The following RIMS2 variants were observed in gnomAD, a reference collection of about 807,000 sequenced individuals.
RIMS2 encodes regulating synaptic membrane exocytosis protein 2.
RIMS2 carries 59 observed loss-of-function variants against 174.4 expected under a neutral mutation model. The observed-to-expected ratio is 0.34, with a 90% confidence interval of 0.27 to 0.42. The LOEUF (loss-of-function observed/expected upper bound fraction) is 0.42, where lower values mean the gene tolerates loss of function less well. Among genes scored for constraint, RIMS2 ranks in the 10% least tolerant of loss-of-function variants. RIMS2 has a pLI of 1.00. For synonymous variants in RIMS2, 606 were observed against 572.5 expected (o/e 1.06, Z -0.84); for missense variants, 1,620 against 1,666.3 (o/e 0.97, Z 0.48).
intron 2 of RIMS2, among the ~76,000 whole-genome samples, chr8:103,699,538 T>C (rs1471709431): frequency 6.6e-6 from 1 of 152,172 alleles, no homozygotes; most frequent in Non-Finnish European, 1.5e-5. Context: ...CCCAGATTTT[T>C]TGTTTTATTG....
At chr8:103,818,737 A>T (rs1302934873) in intron 3 of RIMS2, among the ~76,000 whole-genome samples, 2 of 152,172 alleles carry the variant, frequency 1.3e-5, no homozygotes, top group African/African-American at 4.8e-5. Flanking sequence ...AAAGGACCAG[A>T]TTCAACATTA....
chr8:103,608,763 G>A (rs569802027), intron 1 of RIMS2, among the ~76,000 whole-genome samples: 9 of 152,250 alleles, frequency 5.9e-5, no homozygotes, highest in South Asian at 2.1e-4. Flanking sequence ...TCCAGGTGCC[G>A]TCCGTCACCC....
intron 19 of RIMS2, chr8:104,223,582 C>A: frequency 6.7e-7 from 1 of 1,484,244 alleles, no homozygotes; most frequent in Non-Finnish European, 8.9e-7. Flanking sequence ...GGAACCGCTG[C>A]GGACGCTGCG....
At chr8:103,520,206 G>A (rs7826021) in intron 1 of RIMS2, among the ~76,000 whole-genome samples, 28,649 of 151,966 alleles carry the variant, frequency 0.19, 3,020 homozygotes, top group African/African-American at 0.28. Flanking sequence ...GTAATGTGAC[G>A]GGTACACAGA....
intron 2 of RIMS2, among the ~76,000 whole-genome samples, chr8:103,750,355 T>A (rs1436675899): frequency 6.6e-6 from 1 of 152,178 alleles, no homozygotes; most frequent in Admixed American, 6.5e-5. Flanking sequence ...AAATATACTA[T>A]CAGTTGACAG....
Position 103,880,449 on chromosome 8 carries a change from A to G in RIMS2, c.699-4849A>G, listed in dbSNP as rs140333216. ...CCTTTTTCTTAACAGGCCCATCACT[A>G]GAGGATTCTATGACTCCATCCTTTG... On this transcript the variant is annotated intron_variant, in intron 3 of 23. Transcript: ENST00000504942. The G allele has an allele frequency of 4.8e-3, 1,734 of 364,438 alleles. 10 individuals are homozygous for G. Among genetic ancestry groups the G allele is most frequent in the East Asian group, 0.019 (496 of 25,692 alleles). 22.6% of individuals were successfully genotyped at this position (364,438 alleles called of 1,614,324 possible).
At chr8:103,881,767 G>A (rs2099168316) in intron 3 of RIMS2, among the ~76,000 whole-genome samples, 1 of 151,482 alleles carries the variant, frequency 6.6e-6, no homozygotes, top group Admixed American at 6.6e-5. Context: ...TTAAAATGTG[G>A]TTTTCTATAA....
intron 1 of RIMS2, among the ~76,000 whole-genome samples, chr8:103,571,167 G>T (rs546150693): frequency 6.6e-6 from 1 of 152,264 alleles, no homozygotes; most frequent in Admixed American, 6.5e-5. Context: ...CTATGCTCTA[G>T]TATTGTGTTT....
chr8:103,587,847 G>A (rs1381815590), intron 1 of RIMS2, among the ~76,000 whole-genome samples: 1 of 151,954 alleles, frequency 6.6e-6, no homozygotes, highest in African/African-American at 2.4e-5. Context: ...GACCTGGAAC[G>A]TGACAGTGAT....
chr8:104,054,153 CCTT>C (rs2096832851), intron 19 of RIMS2, among the ~76,000 whole-genome samples: 2 of 152,148 alleles, frequency 1.3e-5, no homozygotes, highest in Admixed American at 6.6e-5. Context: ...TAATTCTCAT[CCTT>C]CTTAATCTGA....
intron 19 of RIMS2, among the ~76,000 whole-genome samples, chr8:104,190,946 T>C (rs1426317107): frequency 6.6e-6 from 1 of 151,784 alleles, no homozygotes; most frequent in African/African-American, 2.4e-5. Flanking sequence ...TTTTTTTTTT[T>C]TGTTTGCTTC....
intron 8 of RIMS2, 113 bp from the exon 12 acceptor site, chr8:103,918,328 C>A: frequency 1.7e-6 from 1 of 586,054 alleles, no homozygotes; most frequent in Non-Finnish European, 3.0e-6. Flanking sequence ...CTATTATACA[C>A]AGTTTTCTTC....
chr8:103,750,815 G>A (rs1212457686), intron 2 of RIMS2, among the ~76,000 whole-genome samples: 4 of 152,096 alleles, frequency 2.6e-5, no homozygotes, highest in African/African-American at 9.7e-5. Flanking sequence ...CACCAGCAAA[G>A]TGGAACTGTG....
intron 2 of RIMS2, among the ~76,000 whole-genome samples, chr8:103,707,609 G>T (rs1590812394): frequency 6.6e-6 from 1 of 152,300 alleles, no homozygotes; most frequent in African/African-American, 2.4e-5. Flanking sequence ...CCAAGTGAAA[G>T]GGGTCCCTCT....
chr8:104,175,572 C>T (rs79346125), intron 19 of RIMS2, among the ~76,000 whole-genome samples: 2,203 of 152,154 alleles, frequency 0.014, 64 homozygotes, highest in African/African-American at 0.051. Flanking sequence ...TTAACTGTCC[C>T]CACTTCCCTT....
chr8:104,164,724 TCTTA>T (rs2098786371), intron 19 of RIMS2, among the ~76,000 whole-genome samples: 2 of 152,196 alleles, frequency 1.3e-5, no homozygotes, highest in Non-Finnish European at 2.9e-5. Context: ...TACCACATGT[TCTTA>T]CTTATAAGTG....
chr8:104,178,062 T>C (rs2098916034), intron 19 of RIMS2, among the ~76,000 whole-genome samples: 1 of 152,154 alleles, frequency 6.6e-6, no homozygotes, highest in African/African-American at 2.4e-5. Context: ...ACTACAAATG[T>C]AGAGGCTCAA....
chr8:103,963,387 A>G (rs1179796913), intron 15 of RIMS2, among the ~76,000 whole-genome samples: 1 of 152,214 alleles, frequency 6.6e-6, no homozygotes, highest in Admixed American at 6.5e-5. Context: ...AGTCAAATTC[A>G]GAGTATCAAT....
intron 19 of RIMS2, among the ~76,000 whole-genome samples, chr8:104,221,305 C>T (rs1023484521): frequency 4.6e-5 from 7 of 152,152 alleles, no homozygotes; most frequent in Non-Finnish European, 8.8e-5. Flanking sequence ...AATTGATGCA[C>T]TAACCATGTG....
Sources: gnomAD v4.1 joint callset for allele counts (sites outside exome capture counted in the v4.1 genomes callset) on GRCh38, gnomAD v4.1.1 for gene constraint, MANE v1.5 for transcripts, NCBI Gene and HGNC (gene_info 2026-07-23, HGNC 2026-07-21) for gene names.